Variants in COL18A1 observed in about 807,000 individuals in gnomAD.
COL18A1 encodes the protein collagen type XVIII alpha 1 chain.
In COL18A1, 133 loss-of-function variants were observed where a neutral mutation model predicts 168.0. The ratio of observed to expected loss-of-function variants is 0.79; its 90% CI spans 0.69 to 0.91. The LOEUF is 0.91. Among genes scored for constraint, COL18A1 ranks in the 40% least tolerant of loss-of-function variants. The pLI, the probability that COL18A1 is intolerant of heterozygous loss-of-function variation, is 0.00. For missense variants in COL18A1, 2,126 were observed against 1,925.4 expected (o/e 1.10, Z -1.95); for synonymous variants, 949 against 809.0 (o/e 1.17, Z -2.94).
At chr21:45,410,847 G>T (rs2026885) in intron 2 of COL18A1, among the ~76,000 whole-genome samples, 78,227 of 152,094 alleles carry the variant, frequency 0.51, 21,723 homozygotes, top group Middle Eastern at 0.62. Context: ...CTTGGTGGCG[G>T]CTTCACGCCG....
At chr21:45,434,676 C>A (rs1395448472) in intron 2 of COL18A1, among the ~76,000 whole-genome samples, 2 of 152,232 alleles carry the variant, frequency 1.3e-5, no homozygotes, top group Admixed American at 1.3e-4. Flanking sequence ...TCCACTTCCA[C>A]CTCCTTCCTA....
At chr21:45,432,449 G>C (rs1364202018) in intron 2 of COL18A1, among the ~76,000 whole-genome samples, 1 of 152,222 alleles carries the variant, frequency 6.6e-6, no homozygotes, top group East Asian at 1.9e-4. Context: ...GCCTGGAGTG[G>C]GATGGACTGG....
rs546867493 is a variant in COL18A1, at chr21:45,425,235, C to T, written c.106+19762C>T. ...ATGTGTGTGCTGAGTGCAGTGTGAC[C>T]GCGTCCGCCCGTCTCCCCGGACACG... On this transcript the variant is annotated intron_variant, in intron 2 of 41. Coordinates refer to ENST00000651438, the MANE Select transcript of COL18A1 (RefSeq NM_001379500.1). This position sits in a 1 kb window ranked among gnomAD's most constrained non-coding sequence, Gnocchi z 4.1. 3.9e-5 allele frequency among the ~76,000 whole-genome samples: 6 copies of T among 152,256 alleles called. No individual in the cohort carries two copies. The highest frequency in any genetic ancestry group is 7.4e-5 in the Non-Finnish European group (5 of 68,018).
chr21:45,418,616 C>T (rs1357858502), intron 2 of COL18A1, among the ~76,000 whole-genome samples: 2 of 152,142 alleles, frequency 1.3e-5, no homozygotes, highest in Admixed American at 6.5e-5. Context: ...GCCTCGTGCA[C>T]CTGCTGACCC....
chr21:45,502,293 G>A (rs925834634), intron 32 of COL18A1, among the ~76,000 whole-genome samples: 33 of 152,204 alleles, frequency 2.2e-4, no homozygotes, highest in Admixed American at 1.9e-3. Context: ...CCCCGGTCAC[G>A]GTTTCAGGGG....
At chr21:45,462,371 C>T (rs2035074789) in intron 2 of COL18A1, among the ~76,000 whole-genome samples, 1 of 152,140 alleles carries the variant, frequency 6.6e-6, no homozygotes, top group Non-Finnish European at 1.5e-5. Flanking sequence ...TTTTTCTCTT[C>T]TGTTTGCAGC....
chr21:45,478,345 G>A lies in COL18A1; in HGVS notation c.1240G>A (p.Gly414Arg), dbSNP rs775669904. The change falls in exon 9 of 42, where the codon GGA (glycine) becomes AGA (arginine). Residue 414 changes from glycine to arginine, a missense_variant. Physicochemically the swap from Gly to Arg is moderately radical, Grantham distance 125 (BLOSUM62 -2). Coordinates refer to ENST00000651438, the MANE Select transcript of COL18A1 (RefSeq NM_001379500.1). ...DGEPGDPGEDGKPGDTGPQGF... is the reference protein window; with the variant it reads ...DGEPGDPGEDRKPGDTGPQGF... ...CACCCAGGGCGACCCCGGTGAAGAC[G>A]GAAAGCCGGTGAGTCTGCTTTTCTT... is the stretch of plus-strand genomic sequence containing the variant. The A allele has an allele frequency of 9.3e-6, 15 of 1,614,164 alleles. No individual in the cohort carries two copies. The highest frequency in any genetic ancestry group is 8.8e-5 in the South Asian group (8 of 91,082).
chr21:45,455,650 T>C lies in COL18A1; in HGVS notation c.107-12592T>C, dbSNP rs914230. 0.96 allele frequency: 1,552,428 copies of C among 1,613,912 alleles called. 746,811 individuals carry two copies. The highest frequency in any genetic ancestry group is 1 in the East Asian group (44,867 of 44,870). ...GGTTCAATAATGAGGACACCAGCCA[T>C]GCAGCTACCACGATCCCTGAGCCCC... On this transcript the variant is annotated intron_variant, in intron 2 of 41. Coordinates refer to ENST00000651438, the MANE Select transcript of COL18A1 (RefSeq NM_001379500.1).
chr21:45,480,962 C>T (rs2035871128), intron 13 of COL18A1, 104 bp downstream of exon 13: 6 of 1,461,502 alleles, frequency 4.1e-6, no homozygotes, highest in Admixed American at 2.0e-5. Context: ...CTCCCCAGTC[C>T]CCGCCTCCTC....
rs1407696563 is a variant in COL18A1 at position 45,498,794 on chromosome 21, G to A, written c.2683+1133G>A. 4.6e-5 allele frequency among the ~76,000 whole-genome samples: 7 copies of A among 152,158 alleles called. No homozygotes were observed. Among genetic ancestry groups the A allele is most frequent in the Non-Finnish European group, 7.3e-5 (5 of 68,032 alleles). On this transcript the variant is annotated intron_variant, in intron 32 of 41. Transcript: ENST00000651438. The surrounding 1 kb of genome is among the most constrained non-coding windows in gnomAD (Gnocchi z 4.5). Reference sequence around the variant, plus strand: ...AGGAGGCCCAGCTCATGGGGTCATCGGACCCACCTTGAACTCTGAAGGTCA... The same window carrying A: ...AGGAGGCCCAGCTCATGGGGTCATCAGACCCACCTTGAACTCTGAAGGTCA...
At chr21:45,506,492 G>T in intron 37 of COL18A1, 1 of 216,714 alleles carries the variant, frequency 4.6e-6, no homozygotes, top group Non-Finnish European at 9.5e-6. Context: ...TCCAGGACAG[G>T]CCAGCCCCTT....
chr21:45,475,600 G>A, intron 5 of COL18A1, 65 bp downstream of exon 5: 1 of 1,368,652 alleles, frequency 7.3e-7, no homozygotes, highest in South Asian at 1.2e-5. Context: ...CCAGCAGTGG[G>A]GTGACACATG....
intron 2 of COL18A1, among the ~76,000 whole-genome samples, chr21:45,414,986 A>G (rs905486691): frequency 1.3e-5 from 2 of 152,108 alleles, no homozygotes; most frequent in Non-Finnish European, 2.9e-5. Context: ...GGGCATGAGA[A>G]GACCAGGAAG....
At chr21:45,455,654 G>A (rs769637337) in intron 2 of COL18A1, 1 of 1,613,886 alleles carries the variant, frequency 6.2e-7, no homozygotes, top group Non-Finnish European at 8.5e-7. Context: ...CAGCCATGCA[G>A]CTACCACGAT....
intron 15 of COL18A1, among the ~76,000 whole-genome samples, chr21:45,485,226 C>G (rs1454184511): frequency 7.0e-6 from 1 of 142,484 alleles, no homozygotes; most frequent in Non-Finnish European, 1.5e-5. Flanking sequence ...GTCTCGAACT[C>G]CTGCCCTCAG....
intron 8 of COL18A1, 76 bp from the exon 9 acceptor site, chr21:45,478,251 G>C: frequency 6.3e-7 from 1 of 1,585,322 alleles, no homozygotes; most frequent in Non-Finnish European, 8.7e-7. Flanking sequence ...AGCGTGGGGT[G>C]CATTTCCATG....
chr21:45,489,157 G>T (rs1053587495), intron 18 of COL18A1, among the ~76,000 whole-genome samples: 1 of 152,244 alleles, frequency 6.6e-6, no homozygotes, highest in East Asian at 1.9e-4. Flanking sequence ...ACACTCAAAA[G>T]GCTGACTTAT....
chr21:45,453,057 C>T (rs1216676839), intron 2 of COL18A1, among the ~76,000 whole-genome samples: 6 of 150,108 alleles, frequency 4.0e-5, no homozygotes, highest in Admixed American at 4.0e-4. Context: ...CATGTATGTA[C>T]ATGTGTGAGC....
Position 45,509,374 on chromosome 21 carries a change from T to C in COL18A1, c.3268T>C (p.Leu1090=). The change falls in exon 39 of 42, where the codon TTG becomes CTG. Residue 1090 remains leucine (L), a synonymous_variant. Coordinates refer to ENST00000651438, the MANE Select transcript of COL18A1 (RefSeq NM_001379500.1). ...PRGTDNEVAA[L]QPPVVQLHDS... Reference sequence around the variant, plus strand: ...CCTGCAGGACAATGAAGTGGCCGCCTTGCAGCCCCCCGTGGTGCAGCTGCA... The same window carrying C: ...CCTGCAGGACAATGAAGTGGCCGCCCTGCAGCCCCCCGTGGTGCAGCTGCA... 6.5e-7 allele frequency: 1 copy of C among 1,543,146 alleles called. No individual in the cohort carries two copies. The highest frequency in any genetic ancestry group is 2.4e-5 in the East Asian group (1 of 41,050).
Sources: allele counts gnomAD v4.1 joint callset (sites outside exome capture counted in the v4.1 genomes callset), GRCh38; gene constraint gnomAD v4.1.1; non-coding constraint Gnocchi (gnomAD v3.1); transcripts MANE v1.5; gene names NCBI Gene and HGNC (gene_info 2026-07-23, HGNC 2026-07-21).